Variants in RBFOX1 observed in about 807,000 individuals in gnomAD.
RBFOX1 encodes RNA binding fox-1 homolog 1.
RBFOX1 carries 8 observed loss-of-function variants against 57.7 expected under a neutral mutation model. The ratio of observed to expected loss-of-function variants is 0.14; its 90% CI spans 0.08 to 0.25. The LOEUF is 0.25. Ranked by LOEUF, RBFOX1 falls within the 10% of genes least tolerant of loss-of-function variation. The pLI, the probability that RBFOX1 is intolerant of heterozygous loss-of-function variation, is 1.00. For synonymous variants in RBFOX1, 326 were observed against 222.4 expected (o/e 1.47, Z -4.15); for missense variants, 611 against 548.5 (o/e 1.11, Z -1.14).
chr16:6,555,111 T>C (rs946591970), intron 2 of RBFOX1, among the ~76,000 whole-genome samples: 1 of 152,154 alleles, frequency 6.6e-6, no homozygotes, highest in East Asian at 1.9e-4. Context: ...AGGGGGTGCC[T>C]CCATTCTTAT....
intron 1 of RBFOX1, among the ~76,000 whole-genome samples, chr16:6,095,265 A>G (rs1271075435): frequency 6.6e-6 from 1 of 152,242 alleles, no homozygotes; most frequent in African/African-American, 2.4e-5. Context: ...GAGGGTGAAT[A>G]TACAAATAAG....
intron 1 of RBFOX1, among the ~76,000 whole-genome samples, chr16:6,279,162 A>G (rs2076131536): frequency 6.6e-6 from 1 of 152,166 alleles, no homozygotes; most frequent in African/African-American, 2.4e-5. Context: ...GGTATTATAA[A>G]ACATTTACAT....
chr16:5,555,889 T>C (rs959630898), intron 2 of RBFOX1, among the ~76,000 whole-genome samples: 5 of 151,900 alleles, frequency 3.3e-5, no homozygotes, highest in Admixed American at 6.6e-5. Flanking sequence ...GTCGTGGTGG[T>C]GCATGTCTGT....
At position 6,415,924 on chromosome 16, in the gene RBFOX1, G is replaced by C. The variant is rs187687172; in HGVS notation, c.-64+98867G>C. Among the ~76,000 whole-genome samples, 444 of 152,278 alleles carry C rather than the reference G, an allele frequency of 2.9e-3. 4 individuals carry two copies. The highest frequency in any genetic ancestry group is 1.0e-2 in the African/African-American group (414 of 41,554). On this transcript the variant is annotated intron_variant, in intron 2 of 15. Coordinates refer to ENST00000550418, the MANE Select transcript of RBFOX1 (RefSeq NM_018723.4). ...AGATGGGTTCACTTTGAGGACCTTGGTTTAATCAGGATATCAAAATTTGTT... is the reference window on the plus strand; with the variant it reads ...AGATGGGTTCACTTTGAGGACCTTGCTTTAATCAGGATATCAAAATTTGTT...
At position 5,568,797 on chromosome 16, in the gene RBFOX1, C is replaced by T. The variant is rs190598929; in HGVS notation, c.259-30105C>T. ...GAAAACATTTGTTTTTTCACTCCTC[C>T]CACCAAATGACTCAACCTGGCTTGG... On this transcript the variant is annotated intron_variant, in intron 2 of 2. Coordinates refer to the RBFOX1 transcript ENST00000585867. Among the ~76,000 whole-genome samples the T allele has an allele frequency of 1.7e-3, 264 of 152,220 alleles. 1 individual carries two copies. The highest frequency in any genetic ancestry group is 3.0e-3 in the Non-Finnish European group (206 of 68,008).
At chr16:6,403,398 C>T (rs1390821429) in intron 2 of RBFOX1, among the ~76,000 whole-genome samples, 3 of 152,002 alleles carry the variant, frequency 2.0e-5, no homozygotes, top group Non-Finnish European at 4.4e-5. Flanking sequence ...GATTCTACTC[C>T]CATCATCCAG....
chr16:7,090,483 A>C (rs149642863), intron 4 of RBFOX1, among the ~76,000 whole-genome samples: 2 of 152,198 alleles, frequency 1.3e-5, no homozygotes, highest in African/African-American at 4.8e-5. Flanking sequence ...AATCGTATCA[A>C]TTAAAAATAG....
chr16:6,178,177 C>CTTT (rs34382826), intron 1 of RBFOX1, among the ~76,000 whole-genome samples: 12 of 69,614 alleles, frequency 1.7e-4, no homozygotes, highest in East Asian at 4.5e-4. Flanking sequence ...AAAGGTCACT[C>CTTT]TTTTTTTTTT....
chr16:7,009,662 AAAG>A (rs1424308122), intron 3 of RBFOX1, among the ~76,000 whole-genome samples: 1 of 152,184 alleles, frequency 6.6e-6, no homozygotes, highest in African/African-American at 2.4e-5. Context: ...TTGTCACCAT[AAAG>A]AATATCCTAG....
intron 1 of RBFOX1, among the ~76,000 whole-genome samples, chr16:5,336,671 T>C (rs148501163): frequency 1.6e-3 from 242 of 152,306 alleles, no homozygotes; most frequent in African/African-American, 5.3e-3. Flanking sequence ...GACCCATTCA[T>C]GAAGCTGAAA....
chr16:5,868,870 C>G (rs1486260599), intron 4 of RBFOX1, among the ~76,000 whole-genome samples: 1 of 152,216 alleles, frequency 6.6e-6, no homozygotes, highest in African/African-American at 2.4e-5. Context: ...AGTGTTTCCT[C>G]TGGTGGTTTG....
rs1254020378 is a variant in RBFOX1 at position 6,019,090 on chromosome 16, C to T, written c.-1029C>T. 6.1e-6 allele frequency: 6 copies of T among 984,562 alleles called. No homozygotes were observed. Among genetic ancestry groups the T allele is most frequent in the Non-Finnish European group, 6.0e-6 (5 of 829,740 alleles). The allele number at this position is 984,562 out of a possible 1,614,324, so 61.0% of individuals were successfully genotyped here. A position where few individuals can be genotyped will look rare whatever the true frequency, so the allele number is the denominator to read the frequency against. The stretch of plus-strand genomic sequence containing the variant: ...TCGCGCGCTCACACACACACAGACA[C>T]ACACGCACACACACACATGCACACA... On this transcript the variant is annotated 5_prime_UTR_variant, in exon 1 of 16. Coordinates refer to ENST00000550418, the MANE Select transcript of RBFOX1 (RefSeq NM_018723.4). The surrounding 1 kb of genome is among the most constrained non-coding windows in gnomAD (Gnocchi z 4.2).
At chr16:7,056,682 C>T (rs565032274) in intron 4 of RBFOX1, among the ~76,000 whole-genome samples, 1 of 152,248 alleles carries the variant, frequency 6.6e-6, no homozygotes, top group South Asian at 2.1e-4. Flanking sequence ...CCTTTCTGAG[C>T]ACTCATAAAA....
chr16:6,548,732 C>G (rs1005725336), intron 2 of RBFOX1, among the ~76,000 whole-genome samples: 2 of 152,142 alleles, frequency 1.3e-5, no homozygotes, highest in African/African-American at 4.8e-5. Context: ...TCTGCTTCCT[C>G]TCTTGGTACC....
chr16:6,195,889 A>G (rs2097176884), intron 1 of RBFOX1, among the ~76,000 whole-genome samples: 1 of 152,190 alleles, frequency 6.6e-6, no homozygotes, highest in Non-Finnish European at 1.5e-5. Flanking sequence ...TCATGATCCT[A>G]ACACATCTCC....
intron 4 of RBFOX1, among the ~76,000 whole-genome samples, chr16:7,244,742 A>T (rs747805817): frequency 1.3e-5 from 2 of 152,178 alleles, no homozygotes; most frequent in Non-Finnish European, 1.5e-5. Context: ...GATCGGAGGT[A>T]TTAAATCCAG....
chr16:7,563,370 A>C (rs990665602), intron 5 of RBFOX1, among the ~76,000 whole-genome samples: 2 of 152,216 alleles, frequency 1.3e-5, no homozygotes, highest in African/African-American at 4.8e-5. Context: ...GTTCACACAG[A>C]TAGGAAGCAG....
At chr16:5,661,120 G>A (rs2049633462) in intron 3 of RBFOX1, among the ~76,000 whole-genome samples, 1 of 152,154 alleles carries the variant, frequency 6.6e-6, no homozygotes, top group African/African-American at 2.4e-5. Flanking sequence ...AAACTTAAAA[G>A]GCCTCCTGTC....
At chr16:6,195,460 G>A (rs2097173753) in intron 1 of RBFOX1, among the ~76,000 whole-genome samples, 2 of 152,200 alleles carry the variant, frequency 1.3e-5, no homozygotes, top group African/African-American at 4.8e-5. Flanking sequence ...GCTCATGCCT[G>A]TAATTCCAGG....
Sources: allele counts gnomAD v4.1 joint callset (sites outside exome capture counted in the v4.1 genomes callset), GRCh38; gene constraint gnomAD v4.1.1; non-coding constraint Gnocchi (gnomAD v3.1); transcripts MANE v1.5; gene names NCBI Gene and HGNC (gene_info 2026-07-23, HGNC 2026-07-21).